The following BAZ2B variants were observed in gnomAD, a reference collection of about 807,000 sequenced individuals.
The protein encoded by BAZ2B is bromodomain adjacent to zinc finger domain 2B.
A neutral mutation model predicts 246.0 loss-of-function variants in BAZ2B; 91 were observed. The ratio of observed to expected loss-of-function variants is 0.37; its 90% confidence interval spans 0.31 to 0.44. The LOEUF is 0.44. Ranked by LOEUF, BAZ2B falls within the 20% of genes least tolerant of loss-of-function variation. The probability of loss-of-function intolerance (pLI) is 1.00; values close to 1 mark genes in which losing one functional copy is unlikely to be tolerated. For missense variants in BAZ2B, 2,332 were observed against 2,533.7 expected (o/e 0.92, Z 1.71); for synonymous variants, 855 against 860.0 (o/e 0.99, Z 0.10).
intron 1 of BAZ2B, among the ~76,000 whole-genome samples, chr2:159,589,886 A>G (rs529870793): frequency 3.4e-4 from 52 of 152,178 alleles, no homozygotes; most frequent in Middle Eastern, 3.4e-3. Flanking sequence ...AGTCAACCAG[A>G]TTTAAGGATA....
At chr2:159,471,611 T>C (rs1017127042) in intron 3 of BAZ2B, among the ~76,000 whole-genome samples, 7 of 152,136 alleles carry the variant, frequency 4.6e-5, no homozygotes, top group East Asian at 1.9e-4. Flanking sequence ...AAAAAGAAGG[T>C]GTTTTGTATA....
intron 1 of BAZ2B, among the ~76,000 whole-genome samples, chr2:159,602,253 C>G (rs1007377272): frequency 2.0e-5 from 3 of 152,000 alleles, no homozygotes; most frequent in Admixed American, 6.6e-5. Context: ...AAAATTCCAC[C>G]ATACATATCA....
chr2:159,420,720 T>C (rs1419325791), intron 13 of BAZ2B, among the ~76,000 whole-genome samples: 1 of 152,220 alleles, frequency 6.6e-6, no homozygotes, highest in African/African-American at 2.4e-5. Context: ...GTGTTATATT[T>C]AGGTAAATAA....
chr2:159,578,128 T>C (rs958158806), intron 1 of BAZ2B, among the ~76,000 whole-genome samples: 7 of 152,144 alleles, frequency 4.6e-5, no homozygotes, highest in African/African-American at 1.7e-4. Flanking sequence ...CTTATTTGAA[T>C]TCAGGAAAGA....
At chr2:159,445,346 A>T (rs753213632) in intron 6 of BAZ2B, among the ~76,000 whole-genome samples, 4 of 152,228 alleles carry the variant, frequency 2.6e-5, no homozygotes, top group Admixed American at 1.3e-4. Flanking sequence ...AATACAGGAA[A>T]AGGAGATGTA....
intron 2 of BAZ2B, among the ~76,000 whole-genome samples, chr2:159,540,602 T>C (rs2086546403): frequency 6.6e-6 from 1 of 152,242 alleles, no homozygotes; most frequent in Admixed American, 6.5e-5. Context: ...CACAAGTTAG[T>C]TTTATATCCT....
At chr2:159,553,425 A>C (rs2088631704) in intron 2 of BAZ2B, among the ~76,000 whole-genome samples, 1 of 151,118 alleles carries the variant, frequency 6.6e-6, no homozygotes, top group South Asian at 2.1e-4. Flanking sequence ...AAGAAAAGAA[A>C]GAAAGAAAAG....
chr2:159,637,053 G>A, the BAZ2B span, among the ~76,000 whole-genome samples: 2 of 152,184 alleles, frequency 1.3e-5, no homozygotes, highest in Non-Finnish European at 2.9e-5. Flanking sequence ...TACCGGGGGA[G>A]TACACAGTGG....
At chr2:159,633,231 G>C in the BAZ2B span, among the ~76,000 whole-genome samples, 1 of 151,836 alleles carries the variant, frequency 6.6e-6, no homozygotes, top group African/African-American at 2.4e-5. Context: ...CCTCTGTTGA[G>C]GCGGAGCAAA....
chr2:159,661,828 C>G, the BAZ2B span, among the ~76,000 whole-genome samples: 3 of 151,442 alleles, frequency 2.0e-5, no homozygotes, highest in East Asian at 1.9e-4. Flanking sequence ...TAAGGTTGGT[C>G]TCGAACTCTT....
chr2:159,439,004 T>G lies in BAZ2B; in HGVS notation c.900+5A>C. ...TTTGGATACTGTCCATGAAAAAAATTATACCTGGTTGTTACTTTTATGTTG... is the reference window on the plus strand; with the variant it reads ...TTTGGATACTGTCCATGAAAAAAATGATACCTGGTTGTTACTTTTATGTTG... On this transcript the variant is annotated splice_donor_5th_base_variant and intron_variant, in intron 7 of 36. Coordinates refer to ENST00000392783, the MANE Select transcript of BAZ2B (RefSeq NM_013450.4). The G allele has an allele frequency of 6.2e-7, 1 of 1,612,126 alleles. No individual in the cohort carries two copies. The highest frequency in any genetic ancestry group is 8.5e-7 in the Non-Finnish European group (1 of 1,179,494).
chr2:159,322,183 C>A (rs2062794520), intron 36 of BAZ2B, among the ~76,000 whole-genome samples: 1 of 152,130 alleles, frequency 6.6e-6, no homozygotes, highest in South Asian at 2.1e-4. Flanking sequence ...AAATATTTCT[C>A]TATGCGTAAT....
Position 159,337,055 on chromosome 2 carries a change from C to T in BAZ2B, c.5683G>A (p.Gly1895Arg). ...AATGCCCTTCTCCATACCCTGAGCC[C>T]TGGAGCAATATCCTCTTCAATTCTG... ...ERRIEEDIAP[G>R]LRVWRRALSE... is the part of the protein sequence containing the mutation. Residue 1895 changes from glycine to arginine, a missense_variant, in exon 33 of 37, where the codon GGG becomes AGG. Transcript: ENST00000392783. 1 of 1,613,360 alleles carries T rather than the reference C, an allele frequency of 6.2e-7. No homozygotes were observed. The highest frequency in any genetic ancestry group is 1.3e-5 in the African/African-American group (1 of 74,998).
chr2:159,417,991 G>C (rs2068066209), intron 13 of BAZ2B, among the ~76,000 whole-genome samples: 3 of 152,170 alleles, frequency 2.0e-5, no homozygotes, highest in Admixed American at 6.5e-5. Flanking sequence ...AGTCTTTTGG[G>C]AGAGAGAACT....
chr2:159,661,936 T>A, the BAZ2B span, among the ~76,000 whole-genome samples: 1 of 152,272 alleles, frequency 6.6e-6, no homozygotes, highest in East Asian at 1.9e-4. Flanking sequence ...TTGCAATACA[T>A]TTTCATTACT....
intron 1 of BAZ2B, among the ~76,000 whole-genome samples, chr2:159,598,997 C>T (rs771401422): frequency 6.6e-6 from 1 of 151,872 alleles, no homozygotes; most frequent in Non-Finnish European, 1.5e-5. Flanking sequence ...AATTCTAGCA[C>T]TTTGGGAGGC....
At chr2:159,542,313 A>T (rs2086754329) in intron 2 of BAZ2B, among the ~76,000 whole-genome samples, 1 of 152,234 alleles carries the variant, frequency 6.6e-6, no homozygotes, top group South Asian at 2.1e-4. Flanking sequence ...GAAAGACATG[A>T]ATCTACATAT....
At chr2:159,541,121 C>T (rs1001536201) in intron 2 of BAZ2B, among the ~76,000 whole-genome samples, 2 of 152,078 alleles carry the variant, frequency 1.3e-5, no homozygotes, top group Admixed American at 1.3e-4. Flanking sequence ...GGATTATGAC[C>T]TTTGTTTTAC....
At chr2:159,607,295 T>C (rs1693729738) in intron 1 of BAZ2B, among the ~76,000 whole-genome samples, 1 of 152,206 alleles carries the variant, frequency 6.6e-6, no homozygotes, top group Non-Finnish European at 1.5e-5. Flanking sequence ...GATACACATA[T>C]ATCACCCTCT....
Sources: allele counts gnomAD v4.1 joint callset (sites outside exome capture counted in the v4.1 genomes callset), GRCh38; gene constraint gnomAD v4.1.1; transcripts MANE v1.5; gene names NCBI Gene and HGNC (gene_info 2026-07-23, HGNC 2026-07-21).